The following STAG1 variants were observed in gnomAD, a reference collection of about 807,000 sequenced individuals.
STAG1 encodes cohesin subunit SA-1.
In STAG1, 26 loss-of-function variants were observed where a neutral mutation model predicts 170.9. That is an observed-to-expected ratio of 0.15 (90% confidence interval 0.11 to 0.21). STAG1 has a LOEUF of 0.21. STAG1 is among the 10% of genes least tolerant of loss of function. The probability of loss-of-function intolerance (pLI) is 1.00; values close to 1 mark genes in which losing one functional copy is unlikely to be tolerated. For synonymous variants in STAG1, 514 were observed against 497.7 expected, an observed-to-expected ratio of 1.03 and a Z score of -0.44; for missense variants, 964 against 1,509.5, an observed-to-expected ratio of 0.64 and a Z score of 5.99.
chr3:136,587,305 C>T (rs1467182325), intron 4 of STAG1, among the ~76,000 whole-genome samples: 2 of 152,048 alleles, frequency 1.3e-5, no homozygotes, highest in African/African-American at 4.8e-5. Context: ...TTCGGCAGGC[C>T]GAGGCAGGTG....
chr3:136,550,134 T>C (rs1936323794), intron 5 of STAG1, among the ~76,000 whole-genome samples: 1 of 152,076 alleles, frequency 6.6e-6, no homozygotes, highest in Non-Finnish European at 1.5e-5. Flanking sequence ...GGTATAAGAG[T>C]AATGCTGCCC....
At chr3:136,355,858 G>T (rs747177940) in intron 28 of STAG1, among the ~76,000 whole-genome samples, 3 of 152,152 alleles carry the variant, frequency 2.0e-5, no homozygotes, top group Non-Finnish European at 2.9e-5. Context: ...AGTGAAATGA[G>T]AAAATACTTT....
chr3:136,586,705 C>T (rs956719564), intron 4 of STAG1: 22 of 316,336 alleles, frequency 7.0e-5, no homozygotes, highest in Admixed American at 1.2e-4. Flanking sequence ...TTACTGCATG[C>T]CTTCTAATTA....
intron 26 of STAG1, among the ~76,000 whole-genome samples, chr3:136,360,784 T>G (rs1256892162): frequency 6.6e-6 from 1 of 152,158 alleles, no homozygotes; most frequent in Non-Finnish European, 1.5e-5. Flanking sequence ...TTCTCCTGCC[T>G]CAGCCTCCTG....
intron 5 of STAG1, among the ~76,000 whole-genome samples, chr3:136,544,021 G>A (rs879155148): frequency 3.3e-5 from 5 of 152,152 alleles, no homozygotes; most frequent in East Asian, 1.9e-4. Flanking sequence ...TTCAAGAGAC[G>A]AGCTACCTCT....
chr3:136,718,530 G>A (rs879483650), intron 1 of STAG1, among the ~76,000 whole-genome samples: 2 of 151,988 alleles, frequency 1.3e-5, no homozygotes, highest in Admixed American at 1.3e-4. Context: ...TTTACTAGCT[G>A]GAATAGAATC....
intron 16 of STAG1, among the ~76,000 whole-genome samples, chr3:136,433,275 T>A (rs571418604): frequency 1.3e-5 from 2 of 152,112 alleles, no homozygotes; most frequent in Admixed American, 1.3e-4. Context: ...AGAGCCTTTA[T>A]GTACTTTTAA....
chr3:136,650,711 A>G (rs1576715580), intron 1 of STAG1, among the ~76,000 whole-genome samples: 1 of 152,300 alleles, frequency 6.6e-6, no homozygotes, highest in East Asian at 1.9e-4. Flanking sequence ...CAGCCTAGCT[A>G]TAAGGCAAAC....
chr3:136,648,697 C>T (rs1186023394), intron 1 of STAG1, among the ~76,000 whole-genome samples: 1 of 152,142 alleles, frequency 6.6e-6, no homozygotes, highest in Non-Finnish European at 1.5e-5. Flanking sequence ...CTTCTACCTA[C>T]CCTTCTTCCC....
chr3:136,664,194 C>T (rs546906832), intron 1 of STAG1, among the ~76,000 whole-genome samples: 3 of 152,126 alleles, frequency 2.0e-5, no homozygotes, highest in Non-Finnish European at 4.4e-5. Context: ...ATGCATATAA[C>T]AGAAAATACA....
At chr3:136,650,320 T>G (rs1284436639) in intron 1 of STAG1, among the ~76,000 whole-genome samples, 3 of 150,754 alleles carry the variant, frequency 2.0e-5, no homozygotes, top group Non-Finnish European at 4.4e-5. Flanking sequence ...AAAATAAAAA[T>G]GTATCAACTT....
chr3:136,619,487 G>A (rs562584006), intron 3 of STAG1, among the ~76,000 whole-genome samples: 1 of 152,126 alleles, frequency 6.6e-6, no homozygotes, highest in Non-Finnish European at 1.5e-5. Flanking sequence ...GCCTGGCGTG[G>A]TGGCTCACGC....
At chr3:136,551,204 A>AGAGG (rs1936370217) in intron 5 of STAG1, among the ~76,000 whole-genome samples, 2 of 50,256 alleles carry the variant, frequency 4.0e-5, no homozygotes, top group Non-Finnish European at 7.4e-5. Context: ...AGGTTGAGAG[A>AGAGG]GAGTGAGAGA....
chr3:136,751,759 C>A (rs982355151), intron 1 of STAG1, among the ~76,000 whole-genome samples: 1 of 151,704 alleles, frequency 6.6e-6, no homozygotes, highest in African/African-American at 2.4e-5. Flanking sequence ...TCGCGCCAGC[C>A]CGCGTCGGCC....
At chr3:136,668,665 G>A (rs1013277789) in intron 1 of STAG1, among the ~76,000 whole-genome samples, 1 of 152,146 alleles carries the variant, frequency 6.6e-6, no homozygotes, top group African/African-American at 2.4e-5. Context: ...TGATCTGCCA[G>A]CCCAGCAGAG....
intron 1 of STAG1, among the ~76,000 whole-genome samples, chr3:136,642,917 C>T (rs1940857292): frequency 6.6e-6 from 1 of 152,188 alleles, no homozygotes; most frequent in African/African-American, 2.4e-5. Context: ...ATCTCTGCCT[C>T]CATCTTCACA....
chr3:136,625,347 G>A (rs1940046836), intron 2 of STAG1, among the ~76,000 whole-genome samples: 2 of 152,020 alleles, frequency 1.3e-5, no homozygotes, highest in South Asian at 2.1e-4. Context: ...TAACTTCTAT[G>A]CAAATGACTT....
At chr3:136,554,704 G>A (rs1936538480) in intron 5 of STAG1, among the ~76,000 whole-genome samples, 1 of 152,042 alleles carries the variant, frequency 6.6e-6, no homozygotes, top group African/African-American at 2.4e-5. Flanking sequence ...AAAGTAGCCA[G>A]GGCAACATAG....
At chr3:136,447,254 G>T (rs922034046) in intron 14 of STAG1, among the ~76,000 whole-genome samples, 8 of 151,786 alleles carry the variant, frequency 5.3e-5, no homozygotes, top group Non-Finnish European at 8.8e-5. Context: ...GGGGGCCAAG[G>T]CGGGCAGCAA....
Sources: gnomAD v4.1 joint callset for allele counts (sites outside exome capture counted in the v4.1 genomes callset) on GRCh38, gnomAD v4.1.1 for gene constraint, MANE v1.5 for transcripts, NCBI Gene and HGNC (gene_info 2026-07-23, HGNC 2026-07-21) for gene names.